The following GABRR3 variants were observed in gnomAD, a reference collection of about 807,000 sequenced individuals.
GABRR3 encodes the protein gamma-aminobutyric acid receptor subunit rho-3.
Under a neutral mutation model 43.2 loss-of-function variants are expected in GABRR3, and 29 were observed. The observed-to-expected ratio is 0.67, with a 90% CI of 0.50 to 0.92. The LOEUF (loss-of-function observed/expected upper bound fraction) is 0.92. GABRR3 is among the 40% of genes least tolerant of loss of function. GABRR3 has a pLI of 0.00. For missense variants in GABRR3, 576 were observed against 572.3 expected, an observed-to-expected ratio of 1.01 and a Z score of -0.07; for synonymous variants, 206 against 195.9, an observed-to-expected ratio of 1.05 and a Z score of -0.43.
intron 9 of GABRR3, among the ~76,000 whole-genome samples, chr3:97,992,014 C>T (rs1706475021): frequency 6.6e-6 from 1 of 152,080 alleles, no homozygotes; most frequent in Non-Finnish European, 1.5e-5. Context: ...ACGAATGACT[C>T]TTATCAGTTA....
At chr3:97,992,187 C>A (rs891089869) in intron 9 of GABRR3, among the ~76,000 whole-genome samples, 1 of 152,084 alleles carries the variant, frequency 6.6e-6, no homozygotes, top group Admixed American at 6.6e-5. Flanking sequence ...CACCTCATTC[C>A]TAGGATACTG....
intron 7 of GABRR3, among the ~76,000 whole-genome samples, chr3:98,004,278 C>T (rs932588651): frequency 2.6e-5 from 4 of 152,144 alleles, no homozygotes; most frequent in African/African-American, 9.7e-5. Flanking sequence ...TGGCAGATAA[C>T]ATTCTAAGGT....
At chr3:98,032,972 A>G (rs939886991) in intron 2 of GABRR3, among the ~76,000 whole-genome samples, 2 of 151,928 alleles carry the variant, frequency 1.3e-5, no homozygotes, top group African/African-American at 2.4e-5. Context: ...AGGTAGGAAG[A>G]CTCCTGGGCC....
intron 3 of GABRR3, among the ~76,000 whole-genome samples, chr3:98,018,637 T>C (rs989470833): frequency 5.3e-5 from 8 of 152,206 alleles, no homozygotes; most frequent in African/African-American, 1.4e-4. Context: ...TGTACATATG[T>C]GTTAAAATAA....
chr3:98,015,229 GC>G (rs1706858741), intron 4 of GABRR3, among the ~76,000 whole-genome samples: 1 of 152,180 alleles, frequency 6.6e-6, no homozygotes, highest in African/African-American at 2.4e-5. Context: ...GTCTCACTCT[GC>G]CACCCAGGAT....
intron 5 of GABRR3, 67 bp from the exon 6 acceptor site, chr3:98,009,105 A>T (rs900493100): frequency 5.1e-6 from 5 of 986,378 alleles, no homozygotes; most frequent in Non-Finnish European, 7.8e-6. Flanking sequence ...AGCATGCAAC[A>T]TTGAAGCTTT....
chr3:97,993,028 T>C (rs1706490867), exon 9 of GABRR3: 6 of 1,608,880 alleles, frequency 3.7e-6, no homozygotes, highest in Non-Finnish European at 4.2e-6. Flanking sequence ...ATTGTGGACA[T>C]GGTCAGCACT....
chr3:98,014,690 T>C (rs1411814296), intron 4 of GABRR3, among the ~76,000 whole-genome samples: 1 of 152,164 alleles, frequency 6.6e-6, no homozygotes, highest in African/African-American at 2.4e-5. Context: ...TCATAGAAGA[T>C]TTTGTTTAGA....
chr3:97,987,550 A>G (rs145666601), intron 9 of GABRR3, among the ~76,000 whole-genome samples: 1 of 152,350 alleles, frequency 6.6e-6, no homozygotes, highest in East Asian at 1.9e-4. Context: ...AAAATGAACA[A>G]ATAGAGAGAG....
chr3:98,001,524 T>C (rs774161663), intron 8 of GABRR3, 91 bp downstream of exon 8: 23 of 1,357,172 alleles, frequency 1.7e-5, no homozygotes, highest in Non-Finnish European at 2.3e-5. Flanking sequence ...AAACCACCAC[T>C]CTCTTTTCCT....
chr3:97,985,471 G>A (rs1174232888), downstream of GABRR3, among the ~76,000 whole-genome samples: 1 of 151,976 alleles, frequency 6.6e-6, no homozygotes, highest in East Asian at 1.9e-4. Flanking sequence ...CCTTTCTTTG[G>A]TATCCCCCTT....
Position 98,034,576 on chromosome 3 carries a change from T to G in GABRR3, c.125+287A>C, listed in dbSNP as rs554504901. The stretch of plus-strand genomic sequence containing the variant: ...TATTAGTAATAAATGTACTACTAAT[T>G]GAAGAAATACATTCTCTGAAAGAGG... On this transcript the variant is annotated intron_variant, in intron 2 of 9. Coordinates refer to ENST00000621172, the Ensembl canonical transcript of GABRR3. Among the ~76,000 whole-genome samples the G allele has an allele frequency of 3.9e-5, 6 of 152,302 alleles. No individual in the cohort carries two copies. In the South Asian group the frequency reaches 1.0e-3, roughly 26 times the overall value.
intron 7 of GABRR3, among the ~76,000 whole-genome samples, chr3:98,005,745 G>A (rs368061839): frequency 1.2e-4 from 18 of 152,192 alleles, no homozygotes; most frequent in South Asian, 6.2e-4. Context: ...TTAGGAGGAC[G>A]GTTGGATATA....
chr3:97,992,683 G>A (rs944109277), intron 9 of GABRR3, 169 bp downstream of exon 9: 1 of 237,946 alleles, frequency 4.2e-6, no homozygotes, highest in East Asian at 1.8e-4. Context: ...AGCCAGCACA[G>A]AGCAGAGGGT....
rs1330299183 is a variant in GABRR3, at chr3:97,993,050, TG to T, written c.908-3del. 6.3e-7 allele frequency: 1 copy of T among 1,586,010 alleles called. No homozygotes were observed. The highest frequency in any genetic ancestry group is 1.3e-5 in the African/African-American group (1 of 74,248). On this transcript the variant is annotated splice_polypyrimidine_tract_variant and splice_region_variant and intron_variant, in intron 8 of 9. Coordinates refer to ENST00000621172, the Ensembl canonical transcript of GABRR3. Reference sequence around the variant, plus strand: ...ACATGGTCAGCACTGTGGTGATTCCTGCCATTTGAGAATAGTGGCAAGCTCA... The same window carrying T: ...ACATGGTCAGCACTGTGGTGATTCCTCCATTTGAGAATAGTGGCAAGCTCA...
downstream of GABRR3, among the ~76,000 whole-genome samples, chr3:97,985,569 T>C (rs189127085): frequency 1.7e-3 from 257 of 152,354 alleles, 1 homozygote; most frequent in Non-Finnish European, 2.1e-3. Flanking sequence ...CTGTTGGCTA[T>C]GCACTTAGAG....
At position 97,990,528 on chromosome 3, in the gene GABRR3, A is replaced by T. The variant is rs1031220559; in HGVS notation, c.1104+2324T>A. 2.6e-5 allele frequency among the ~76,000 whole-genome samples: 4 copies of T among 151,898 alleles called. No individual in the cohort carries two copies. The East Asian group carries it at 7.7e-4, about 29-fold the overall frequency. ...ACGCCCGGCTAATTTTTGTATTTTT[A>T]GTAGACACGGGGTTTCATATGTTGG... On this transcript the variant is annotated intron_variant, in intron 9 of 9. Coordinates refer to ENST00000621172, the Ensembl canonical transcript of GABRR3.
At chr3:98,025,318 A>G (rs1176140504) in intron 3 of GABRR3, among the ~76,000 whole-genome samples, 10 of 152,214 alleles carry the variant, frequency 6.6e-5, no homozygotes, top group African/African-American at 2.4e-4. Context: ...GGCAACATAT[A>G]TCCATTCTCT....
chr3:98,014,258 A>C lies in GABRR3; in HGVS notation c.307-1691T>G, dbSNP rs780661954. Among the ~76,000 whole-genome samples, 7 of 152,352 alleles carry C rather than the reference A, an allele frequency of 4.6e-5. No individual in the cohort carries two copies. In the East Asian group the frequency reaches 1.2e-3, roughly 25 times the overall value. ...TGGTTAGAAACAATAAGGACTTTAG[A>C]TGCAAACTGGGTCATTCAGAAATGA... On this transcript the variant is annotated intron_variant, in intron 4 of 9. Coordinates refer to ENST00000621172, the Ensembl canonical transcript of GABRR3.
Sources: allele counts gnomAD v4.1 joint callset (sites outside exome capture counted in the v4.1 genomes callset), GRCh38; gene constraint gnomAD v4.1.1; transcripts MANE v1.5; gene names NCBI Gene and HGNC (gene_info 2026-07-23, HGNC 2026-07-21).